Variants in BBS7 observed in about 807,000 individuals in gnomAD.
The protein encoded by BBS7 is Bardet-Biedl syndrome 7, also known as BBSome complex member BBS7.
Under a neutral mutation model 90.3 loss-of-function variants are expected in BBS7, and 50 were observed. That is an observed-to-expected ratio of 0.55 (90% CI 0.44 to 0.70). The LOEUF is 0.70. Ranked by LOEUF, BBS7 falls within the 30% of genes least tolerant of loss-of-function variation. BBS7 has a pLI of 0.00. For missense variants in BBS7, 729 were observed against 838.9 expected (o/e 0.87, Z 1.62); for synonymous variants, 235 against 287.4 (o/e 0.82, Z 1.85).
intron 5 of BBS7, chr4:121,858,601 C>T (rs1303269872): frequency 4.9e-6 from 1 of 205,372 alleles, no homozygotes; most frequent in African/African-American, 2.4e-5. Context: ...ACTGGATAAA[C>T]TCAAGTTATA....
intron 15 of BBS7, among the ~76,000 whole-genome samples, chr4:121,832,645 T>G (rs1377232146): frequency 9.8e-5 from 15 of 152,306 alleles, no homozygotes; most frequent in African/African-American, 3.4e-4. Flanking sequence ...AACAATATAA[T>G]GACCTCCGCA....
chr4:121,863,327 A>T, intron 2 of BBS7, 48 bp from the exon 3 acceptor site: 1 of 1,440,216 alleles, frequency 6.9e-7, no homozygotes, highest in Non-Finnish European at 9.8e-7. Context: ...TAATATTATG[A>T]CCTAATAATT....
At chr4:121,857,730 A>C (rs1726757407) in intron 5 of BBS7, among the ~76,000 whole-genome samples, 1 of 152,186 alleles carries the variant, frequency 6.6e-6, no homozygotes. Flanking sequence ...AGCCTTGTTC[A>C]AAACAATTCA....
intron 12 of BBS7, among the ~76,000 whole-genome samples, chr4:121,842,727 T>C (rs1725808097): frequency 1.3e-5 from 2 of 152,284 alleles, no homozygotes; most frequent in South Asian, 4.1e-4. Flanking sequence ...TATATTAATA[T>C]AACTAACCAC....
intron 9 of BBS7, among the ~76,000 whole-genome samples, chr4:121,848,241 A>G (rs1251476664): frequency 6.6e-6 from 1 of 152,168 alleles, no homozygotes; most frequent in East Asian, 1.9e-4. Flanking sequence ...TTAGTAACCC[A>G]TAGTCAATGG....
chr4:121,837,317 G>A (rs953726730), intron 13 of BBS7, among the ~76,000 whole-genome samples: 9 of 151,962 alleles, frequency 5.9e-5, no homozygotes, highest in Admixed American at 2.6e-4. Context: ...TTCCTTACTC[G>A]GTGGTTTTTA....
At position 121,860,932 on chromosome 4, in the gene BBS7, ATTGTT is replaced by A. The variant is rs536302067; in HGVS notation, c.341+567_341+571del. 2.3e-3 allele frequency among the ~76,000 whole-genome samples: 343 copies of A among 152,302 alleles called. 10 individuals are homozygous for A. Among genetic ancestry groups the A allele is most frequent in the Admixed American group, 0.02 (302 of 15,282 alleles). ...CGGCAGGTATGAGGTAGGACAAGGA[ATTGTT>A]TAAGTGGCCCAAGGGATTCTTCTAA... On this transcript the variant is annotated intron_variant, in intron 4 of 18. Transcript: ENST00000264499.
At chr4:121,827,790 A>C in intron 18 of BBS7, 1 of 950,632 alleles carries the variant, frequency 1.1e-6, no homozygotes, top group Non-Finnish European at 1.3e-6. Flanking sequence ...TATAATTCAC[A>C]ATAGCAACAA....
intron 10 of BBS7, among the ~76,000 whole-genome samples, chr4:121,846,237 A>G (rs1726006855): frequency 6.6e-6 from 1 of 152,148 alleles, no homozygotes; most frequent in Non-Finnish European, 1.5e-5. Flanking sequence ...AGAGTTAGAG[A>G]GGATTCTGCT....
chr4:121,844,219 T>C (rs1407240185), intron 11 of BBS7, among the ~76,000 whole-genome samples: 1 of 152,202 alleles, frequency 6.6e-6, no homozygotes, highest in Non-Finnish European at 1.5e-5. Context: ...TTTTTCTAAC[T>C]TGGATTATAA....
In BBS7 at chr4:121,845,533, G is replaced by T. The variant is rs765109765; in HGVS notation, c.1201C>A (p.Gln401Lys). ...DASYSLILEV[Q>K]TAIDNVLIQS... ...ATTAAGACATTATCTATTGCAGTCT[G>T]TACCTCTAAGATAAGGCTGTAACTG... Residue 401 changes from glutamine to lysine, a missense_variant, in exon 11 of 19, where the codon CAG becomes AAG. Coordinates refer to ENST00000264499, the MANE Select transcript of BBS7 (RefSeq NM_176824.3). 2.5e-6 allele frequency: 4 copies of T among 1,612,194 alleles called. No individual in the cohort carries two copies. The highest frequency in any genetic ancestry group is 3.4e-6 in the Non-Finnish European group (4 of 1,179,204).
At chr4:121,863,547 T>C (rs1339691578) in intron 2 of BBS7, among the ~76,000 whole-genome samples, 2 of 152,194 alleles carry the variant, frequency 1.3e-5, no homozygotes, top group African/African-American at 2.4e-5. Context: ...TTGCTTTTTT[T>C]CAACTTTTAT....
chr4:121,830,427 T>A (rs1034262300), intron 15 of BBS7, among the ~76,000 whole-genome samples: 7 of 152,106 alleles, frequency 4.6e-5, no homozygotes, highest in Non-Finnish European at 1.0e-4. Flanking sequence ...AAGATAATTT[T>A]TTTTTCTAGA....
At chr4:121,831,729 T>C (rs1725192455) in intron 15 of BBS7, among the ~76,000 whole-genome samples, 2 of 152,134 alleles carry the variant, frequency 1.3e-5, no homozygotes, top group South Asian at 4.1e-4. Flanking sequence ...AGAATGGATG[T>C]TAAAAACCAA....
At position 121,825,731 on chromosome 4, in the gene BBS7, A is replaced by G; in HGVS notation, c.*129T>C. ...AGAAGCATTACTTTAAAAAGCCATT[A>G]TATCTCAAATATTTTTAGATATAAA... is the stretch of plus-strand genomic sequence containing the variant. On this transcript the variant is annotated 3_prime_UTR_variant, in exon 19 of 19. Transcript: ENST00000264499. 1.1e-6 allele frequency: 1 copy of G among 878,480 alleles called. No individual in the cohort carries two copies. Among genetic ancestry groups the G allele is most frequent in the Non-Finnish European group, 1.6e-6 (1 of 608,098 alleles). The allele number at this position is 878,480 out of a possible 1,614,324, so 54.4% of individuals were successfully genotyped here. A position where few individuals can be genotyped will look rare whatever the true frequency, so the allele number is the denominator to read the frequency against.
intron 4 of BBS7, among the ~76,000 whole-genome samples, chr4:121,859,889 CTGAGT>C (rs1726887035): frequency 6.6e-6 from 1 of 152,054 alleles, no homozygotes; most frequent in African/African-American, 2.4e-5. Context: ...TTAGACTGAA[CTGAGT>C]TTTCACTTGG....
intron 15 of BBS7, among the ~76,000 whole-genome samples, chr4:121,829,688 A>T (rs572984615): frequency 3.9e-5 from 6 of 152,130 alleles, no homozygotes; most frequent in Admixed American, 3.9e-4. Flanking sequence ...ACCCCTGACC[A>T]CAGTGGTTCA....
At chr4:121,845,436 TTAGTACA>T in intron 11 of BBS7, 61 bp downstream of exon 11, 1 of 1,001,660 alleles carries the variant, frequency 1.0e-6, no homozygotes, top group East Asian at 2.5e-5. Context: ...TCAATAATAA[TTAGTACA>T]TATGACTGGT....
chr4:121,868,349 A>G (rs1357268962), intron 1 of BBS7, among the ~76,000 whole-genome samples: 1 of 152,146 alleles, frequency 6.6e-6, no homozygotes, highest in Non-Finnish European at 1.5e-5. Context: ...TGTTCAGCAA[A>G]GTGATTCAAG....
Sources: gnomAD v4.1 joint callset for allele counts (sites outside exome capture counted in the v4.1 genomes callset) on GRCh38, gnomAD v4.1.1 for gene constraint, MANE v1.5 for transcripts, NCBI Gene and HGNC (gene_info 2026-07-23, HGNC 2026-07-21) for gene names.